Variants in AFF3 observed in about 807,000 individuals in gnomAD.
The protein encoded by AFF3 is AF4/FMR2 family member 3.
In AFF3, 32 loss-of-function variants were observed where a neutral mutation model predicts 129.7. The ratio of observed to expected loss-of-function variants is 0.25; its 90% CI spans 0.19 to 0.33. The LOEUF (loss-of-function observed/expected upper bound fraction) is 0.33. AFF3 is among the 10% of genes least tolerant of loss of function. The pLI, the probability that AFF3 is intolerant of heterozygous loss-of-function variation, is 1.00. For missense variants in AFF3, 1,373 were observed against 1,592.0 expected (o/e 0.86, Z 2.34); for synonymous variants, 644 against 635.4 (o/e 1.01, Z -0.20).
At chr2:99,782,869 CAT>C (rs1388426539) in intron 8 of AFF3, among the ~76,000 whole-genome samples, 1 of 152,222 alleles carries the variant, frequency 6.6e-6, no homozygotes, top group South Asian at 2.1e-4. Context: ...TATTTTGGCA[CAT>C]GAGTGTGTAG....
At chr2:99,959,964 G>A (rs1559012073) in intron 7 of AFF3, among the ~76,000 whole-genome samples, 1 of 152,072 alleles carries the variant, frequency 6.6e-6, no homozygotes, top group East Asian at 1.9e-4. Flanking sequence ...AATAACCAAG[G>A]ACAGGGATTT....
chr2:99,612,026 A>C lies in AFF3; in HGVS notation c.1185-10405T>G, dbSNP rs1373472649. Among the ~76,000 whole-genome samples, 3 of 152,200 alleles carry C rather than the reference A, an allele frequency of 2.0e-5. No individual in the cohort carries two copies. In the East Asian group the frequency reaches 5.8e-4, roughly 29 times the overall value. Reference sequence around the variant, plus strand: ...AGCATCCACTCTGTGCTATACAAGGAAAAAAGGAAACCTGGGGAAGTCACC... The same window carrying C: ...AGCATCCACTCTGTGCTATACAAGGCAAAAAGGAAACCTGGGGAAGTCACC... On this transcript the variant is annotated intron_variant, in intron 13 of 24. Coordinates refer to ENST00000672756, the MANE Select transcript of AFF3 (RefSeq NM_001386135.1).
rs192265264 is a variant in AFF3, at chr2:99,834,172, G to A, written c.921+3305C>T. 1.4e-4 allele frequency among the ~76,000 whole-genome samples: 22 copies of A among 152,246 alleles called. No individual in the cohort carries two copies. The East Asian group carries it at 4.1e-3, about 28-fold the overall frequency. On this transcript the variant is annotated intron_variant, in intron 8 of 24. Coordinates refer to ENST00000672756, the MANE Select transcript of AFF3 (RefSeq NM_001386135.1). The stretch of plus-strand genomic sequence containing the variant: ...GAATTGCCTGACTGGTTTCGTTAAT[G>A]AGCCAGGGGGACGTCTTCATCTAGT...
chr2:99,803,875 C>T (rs1400434520), intron 8 of AFF3, among the ~76,000 whole-genome samples: 1 of 152,140 alleles, frequency 6.6e-6, no homozygotes, highest in Non-Finnish European at 1.5e-5. Context: ...AACTGGACAG[C>T]CACATGTAGA....
intron 17 of AFF3, among the ~76,000 whole-genome samples, chr2:99,578,750 G>T (rs1429495008): frequency 6.6e-6 from 1 of 152,196 alleles, no homozygotes; most frequent in African/African-American, 2.4e-5. Context: ...CCCACACTCA[G>T]TGACTGTGGT....
chr2:99,622,889 C>T (rs980887062), intron 13 of AFF3, among the ~76,000 whole-genome samples: 1 of 152,144 alleles, frequency 6.6e-6, no homozygotes. Context: ...CAGTCCTTGC[C>T]GACAGGGAGC....
chr2:100,069,390 C>G (rs898184135), intron 4 of AFF3, among the ~76,000 whole-genome samples: 1 of 152,118 alleles, frequency 6.6e-6, no homozygotes, highest in African/African-American at 2.4e-5. Flanking sequence ...TTTTGGAAAC[C>G]ACCAATAAAC....
chr2:99,982,077 C>T (rs962059753), intron 7 of AFF3, among the ~76,000 whole-genome samples: 1 of 152,204 alleles, frequency 6.6e-6, no homozygotes, highest in African/African-American at 2.4e-5. Flanking sequence ...GGAGAAGACA[C>T]ACACAAGCAA....
rs529305565 is a variant in AFF3 at position 99,923,452 on chromosome 2, G to A, written c.873+83180C>T. Among the ~76,000 whole-genome samples, 17 of 152,268 alleles carry A rather than the reference G, an allele frequency of 1.1e-4. No individual in the cohort carries two copies. In the South Asian group the frequency reaches 1.7e-3, roughly 15 times the overall value. ...AAAGAATCAGCAAGTATTTTATTTCGTTCACATTCTACCCAAGTACTCTCA... is the reference window on the plus strand; with the variant it reads ...AAAGAATCAGCAAGTATTTTATTTCATTCACATTCTACCCAAGTACTCTCA... On this transcript the variant is annotated intron_variant, in intron 7 of 24. Transcript: ENST00000672756.
At chr2:100,060,855 T>C (rs867275196) in intron 4 of AFF3, among the ~76,000 whole-genome samples, 1 of 152,196 alleles carries the variant, frequency 6.6e-6, no homozygotes, top group Non-Finnish European at 1.5e-5. Flanking sequence ...TCCTTTTCTG[T>C]CCCAAGATCC....
At chr2:99,897,182 A>T (rs990315126) in intron 7 of AFF3, among the ~76,000 whole-genome samples, 55 of 152,218 alleles carry the variant, frequency 3.6e-4, no homozygotes, top group African/African-American at 1.1e-3. Flanking sequence ...ATTTACCATA[A>T]TTATGATTGC....
At chr2:99,735,374 T>C (rs1680168193) in intron 10 of AFF3, among the ~76,000 whole-genome samples, 1 of 152,144 alleles carries the variant, frequency 6.6e-6, no homozygotes, top group South Asian at 2.1e-4. Flanking sequence ...ATTTTATTAA[T>C]TTCTGCTTTT....
chr2:100,025,848 G>A (rs760942463), intron 4 of AFF3, among the ~76,000 whole-genome samples: 8 of 152,238 alleles, frequency 5.3e-5, no homozygotes, highest in Non-Finnish European at 1.0e-4. Context: ...CTAGCCAGAT[G>A]TAGGAGAATG....
chr2:99,781,851 A>G (rs994146177), intron 8 of AFF3, among the ~76,000 whole-genome samples: 2 of 152,246 alleles, frequency 1.3e-5, no homozygotes, highest in African/African-American at 2.4e-5. Flanking sequence ...AAGTATAGCA[A>G]AATATTAGAA....
At chr2:99,986,961 G>C (rs906486343) in intron 7 of AFF3, among the ~76,000 whole-genome samples, 1 of 152,194 alleles carries the variant, frequency 6.6e-6, no homozygotes, top group African/African-American at 2.4e-5. Context: ...CATGCAGGGT[G>C]CTCTACAGGC....
At chr2:100,132,469 A>G (rs1692461795) in intron 1 of AFF3, among the ~76,000 whole-genome samples, 1 of 152,260 alleles carries the variant, frequency 6.6e-6, no homozygotes, top group Admixed American at 6.5e-5. Context: ...TGCTTAATCA[A>G]GAGAAAGATC....
intron 4 of AFF3, among the ~76,000 whole-genome samples, chr2:100,049,474 C>T (rs923362479): frequency 7.9e-5 from 12 of 152,058 alleles, no homozygotes; most frequent in Non-Finnish European, 1.2e-4. Flanking sequence ...GGCTAGATTT[C>T]GGACTTTAGA....
chr2:99,598,258 T>C (rs1361705726), intron 14 of AFF3, among the ~76,000 whole-genome samples: 2 of 152,152 alleles, frequency 1.3e-5, no homozygotes, highest in African/African-American at 2.4e-5. Flanking sequence ...CTCCACGTAA[T>C]ATATATTGTA....
chr2:100,117,197 A>C (rs1691766890), intron 2 of AFF3, among the ~76,000 whole-genome samples: 1 of 151,720 alleles, frequency 6.6e-6, no homozygotes, highest in African/African-American at 2.4e-5. Flanking sequence ...GTTCTTAGCC[A>C]TTATCTCTTT....
Sources: allele counts gnomAD v4.1 joint callset (sites outside exome capture counted in the v4.1 genomes callset), GRCh38; gene constraint gnomAD v4.1.1; transcripts MANE v1.5; gene names NCBI Gene and HGNC (gene_info 2026-07-23, HGNC 2026-07-21).